Variants in FAM110B observed in about 807,000 individuals in gnomAD.
The protein encoded by FAM110B is protein FAM110B.
Under a neutral mutation model 20.4 loss-of-function variants are expected in FAM110B, and 6 were observed. That is an observed-to-expected ratio of 0.29 (90% CI 0.16 to 0.58). The LOEUF (loss-of-function observed/expected upper bound fraction) is 0.58. Among genes scored for constraint, FAM110B ranks in the 20% least tolerant of loss-of-function variants. FAM110B has a pLI of 0.90. For synonymous variants in FAM110B, 226 were observed against 214.1 expected (o/e 1.06, Z -0.49); for missense variants, 434 against 498.2 (o/e 0.87, Z 1.23).
At chr8:58,083,962 A>G (rs1050977009) in intron 3 of FAM110B, among the ~76,000 whole-genome samples, 3 of 152,234 alleles carry the variant, frequency 2.0e-5, no homozygotes, top group African/African-American at 7.2e-5. Context: ...AGCTCTGGGT[A>G]CATAGGAGAG....
At chr8:58,081,429 A>G (rs1806188735) in intron 3 of FAM110B, among the ~76,000 whole-genome samples, 1 of 151,608 alleles carries the variant, frequency 6.6e-6, no homozygotes, top group South Asian at 2.1e-4. Flanking sequence ...CTGGTCTCGA[A>G]CTCCTGACCT....
rs758690171 is a variant in FAM110B at position 58,146,921 on chromosome 8, G to A, written c.691G>A (p.Ala231Thr). 2 of 1,614,034 alleles carry A rather than the reference G, an allele frequency of 1.2e-6. No homozygotes were observed. The highest frequency in any genetic ancestry group is 2.7e-5 in the African/African-American group (2 of 74,916). Residue 231 changes from alanine to threonine, a missense_variant, in exon 4 of 4, where the codon GCA becomes ACA. Physicochemically the swap from Ala to Thr is moderately conservative, Grantham distance 58. Transcript: ENST00000519262. The part of the protein sequence containing the change: ...APPLPPKPKI[A>T]AIASMKSPEA... ...TCCCCTGCCTCCCAAGCCCAAAATCGCAGCCATCGCCTCCATGAAGTCCCC... is the reference window on the plus strand; with the variant it reads ...TCCCCTGCCTCCCAAGCCCAAAATCACAGCCATCGCCTCCATGAAGTCCCC...
At chr8:58,017,707 A>C (rs556310484) in intron 1 of FAM110B, among the ~76,000 whole-genome samples, 1 of 152,388 alleles carries the variant, frequency 6.6e-6, no homozygotes, top group South Asian at 2.1e-4. Flanking sequence ...GAAGAAAGAT[A>C]TCCACAAGCT....
At chr8:58,064,664 A>G (rs900466449) in intron 2 of FAM110B, among the ~76,000 whole-genome samples, 22 of 152,132 alleles carry the variant, frequency 1.4e-4, no homozygotes, top group African/African-American at 5.1e-4. Flanking sequence ...GAGAATTTAG[A>G]TGATGTTTAC....
Position 58,104,365 on chromosome 8 carries a change from CA to C in FAM110B, c.-325+28745del, listed in dbSNP as rs1168439228. On this transcript the variant is annotated intron_variant, in intron 3 of 3. Transcript: ENST00000519262. The stretch of plus-strand genomic sequence containing the variant: ...AGTAGAAAATTACCTATTGAAACTA[CA>C]AATAAAAATGAAATTTAAATATATC... Among the ~76,000 whole-genome samples the C allele has an allele frequency of 2.6e-5, 4 of 152,298 alleles. No homozygotes were observed. The South Asian group carries it at 6.2e-4, about 24-fold the overall frequency.
chr8:58,041,607 T>C (rs1805222744), intron 2 of FAM110B, among the ~76,000 whole-genome samples: 1 of 152,204 alleles, frequency 6.6e-6, no homozygotes, highest in Non-Finnish European at 1.5e-5. Context: ...ATGGGGAGTC[T>C]TGTTGCCAGG....
At chr8:58,074,285 A>G (rs886105044) in intron 2 of FAM110B, among the ~76,000 whole-genome samples, 3 of 151,854 alleles carry the variant, frequency 2.0e-5, no homozygotes, top group African/African-American at 7.3e-5. Context: ...TCTGGCCTTC[A>G]TCAGCTTGCC....
chr8:58,073,021 G>A (rs996913902), intron 2 of FAM110B, among the ~76,000 whole-genome samples: 1 of 152,190 alleles, frequency 6.6e-6, no homozygotes, highest in Non-Finnish European at 1.5e-5. Context: ...TTTGTCATTA[G>A]CAATTGATAA....
At chr8:58,117,827 T>A (rs1345487416) in intron 3 of FAM110B, among the ~76,000 whole-genome samples, 1 of 152,200 alleles carries the variant, frequency 6.6e-6, no homozygotes. Context: ...CCAGAAGGCA[T>A]TTTTGCAATT....
chr8:58,119,639 T>G (rs919139147), intron 3 of FAM110B, among the ~76,000 whole-genome samples: 2 of 152,226 alleles, frequency 1.3e-5, no homozygotes, highest in Non-Finnish European at 2.9e-5. Context: ...AGGGTACTTA[T>G]AGTCTTGTTG....
chr8:58,095,254 C>A (rs1806594325), intron 3 of FAM110B, among the ~76,000 whole-genome samples: 1 of 152,014 alleles, frequency 6.6e-6, no homozygotes, highest in Non-Finnish European at 1.5e-5. Context: ...TCAGTTCTGT[C>A]TGATCTTATT....
intron 3 of FAM110B, among the ~76,000 whole-genome samples, chr8:58,143,986 A>T (rs1803798815): frequency 6.6e-6 from 1 of 152,230 alleles, no homozygotes. Flanking sequence ...TAATTCCTTC[A>T]TTCTTAGATC....
chr8:58,050,908 G>A (rs1805427350), intron 2 of FAM110B, among the ~76,000 whole-genome samples: 2 of 152,172 alleles, frequency 1.3e-5, no homozygotes, highest in Non-Finnish European at 2.9e-5. Context: ...AAAATGCTTG[G>A]GAAATGCTGC....
rs373235837 is a variant in FAM110B at position 58,112,162 on chromosome 8, C to G, written c.-324-33745C>G. On this transcript the variant is annotated intron_variant, in intron 3 of 3. Transcript: ENST00000519262. ...AACATATAGTGAAACCCTGTCTGTA[C>G]TAAAAAAAATACAAAAATTAGCTGG... Among the ~76,000 whole-genome samples, 17 of 152,062 alleles carry G rather than the reference C, an allele frequency of 1.1e-4. No homozygotes were observed. The East Asian group carries it at 3.1e-3, about 28-fold the overall frequency.
chr8:58,013,471 G>A lies in FAM110B; in HGVS notation c.-511-18135G>A, dbSNP rs187414160. Among the ~76,000 whole-genome samples, 5 of 152,264 alleles carry A rather than the reference G, an allele frequency of 3.3e-5. No individual in the cohort carries two copies. In the East Asian group the frequency reaches 7.7e-4, roughly 24 times the overall value. On this transcript the variant is annotated intron_variant, in intron 1 of 3. Transcript: ENST00000519262. ...TGGAAAGGCCCTGGTGGGATGGAGG[G>A]ATTTGTGAATTATGTGCGTTCACCA...
chr8:58,052,997 G>T (rs1006382465), intron 2 of FAM110B, among the ~76,000 whole-genome samples: 10 of 151,492 alleles, frequency 6.6e-5, no homozygotes, highest in Admixed American at 1.3e-4. Flanking sequence ...GTGTTAGCCA[G>T]GATGGTCTCG....
At chr8:58,125,294 G>T (rs1359655883) in intron 3 of FAM110B, among the ~76,000 whole-genome samples, 2 of 152,236 alleles carry the variant, frequency 1.3e-5, no homozygotes, top group African/African-American at 4.8e-5. Flanking sequence ...GCTGCAGTGA[G>T]CCATGGTCCC....
chr8:58,010,342 G>A (rs1274072229), intron 1 of FAM110B, among the ~76,000 whole-genome samples: 1 of 152,066 alleles, frequency 6.6e-6, no homozygotes. Flanking sequence ...GTTCTTGATG[G>A]TTGTGTCAAG....
At chr8:58,087,616 A>G (rs1157604924) in intron 3 of FAM110B, among the ~76,000 whole-genome samples, 3 of 152,178 alleles carry the variant, frequency 2.0e-5, no homozygotes, top group Admixed American at 6.5e-5. Context: ...TCATTGGCTC[A>G]TCGGCAGAAT....
Sources: allele counts gnomAD v4.1 joint callset (sites outside exome capture counted in the v4.1 genomes callset), GRCh38; gene constraint gnomAD v4.1.1; transcripts MANE v1.5; gene names NCBI Gene and HGNC (gene_info 2026-07-23, HGNC 2026-07-21).